ANTXRL: variants seen among roughly 807,000 people sequenced by gnomAD.
The protein encoded by ANTXRL is anthrax toxin receptor-like.
Under a neutral mutation model 75.4 loss-of-function variants are expected in ANTXRL, and 63 were observed. That is an observed-to-expected ratio of 0.84 (90% CI 0.68 to 1.03). The LOEUF (loss-of-function observed/expected upper bound fraction) is 1.03, where lower values mean the gene tolerates loss of function less well. Ranked by LOEUF, ANTXRL falls within the 50% of genes least tolerant of loss-of-function variation. The pLI, the probability that ANTXRL is intolerant of heterozygous loss-of-function variation, is 0.00. For missense variants in ANTXRL, 797 were observed against 789.4 expected (o/e 1.01, Z -0.12); for synonymous variants, 335 against 291.3 (o/e 1.15, Z -1.53).
chr10:46,330,096 C>T lies in ANTXRL; in HGVS notation c.*12C>T, dbSNP rs1370698937. 5 of 1,492,566 alleles carry T rather than the reference C, an allele frequency of 3.3e-6. No individual in the cohort carries two copies. The Admixed American group carries it at 8.7e-5, about 26-fold the overall frequency. The allele number at this position is 1,492,566 out of a possible 1,614,324, so 92.5% of individuals were successfully genotyped here. On this transcript the variant is annotated 3_prime_UTR_variant, in exon 17 of 17. Coordinates refer to ENST00000620264, the MANE Select transcript of ANTXRL (RefSeq NM_001278688.3). Reference sequence around the variant, plus strand: ...AGCCCAACTTCTAAGGCACCAAACACCCAAGATTAACAGGCTTTTGTTGCT... The same window carrying T: ...AGCCCAACTTCTAAGGCACCAAACATCCAAGATTAACAGGCTTTTGTTGCT...
chr10:46,304,062 A>G (rs1262127460), intron 10 of ANTXRL, among the ~76,000 whole-genome samples: 4 of 152,088 alleles, frequency 2.6e-5, no homozygotes, highest in Non-Finnish European at 5.9e-5. Context: ...ACTCATCAGC[A>G]TTGTGTGGAT....
chr10:46,324,195 T>A (rs782653147), intron 16 of ANTXRL, among the ~76,000 whole-genome samples: 19 of 152,006 alleles, frequency 1.2e-4, no homozygotes, highest in Non-Finnish European at 2.6e-4. Context: ...TGAGTAACAG[T>A]AGAATGTCCA....
At chr10:46,324,703 A>G (rs896886255) in intron 16 of ANTXRL, among the ~76,000 whole-genome samples, 12 of 152,262 alleles carry the variant, frequency 7.9e-5, no homozygotes, top group African/African-American at 2.9e-4. Flanking sequence ...GAAGAGACCC[A>G]TAAATATTCA....
rs573096928 is a variant in ANTXRL, at chr10:46,293,255, G to T, written c.321-574G>T. The stretch of plus-strand genomic sequence containing the variant: ...GAGTGTGTATGCATGTGTGTGGGGG[G>T]GTGTGTATACCTGTGCGTGTGTGAG... On this transcript the variant is annotated intron_variant, in intron 2 of 16. Transcript: ENST00000620264. Among the ~76,000 whole-genome samples, 856 of 140,560 alleles carry T rather than the reference G, an allele frequency of 6.1e-3. 7 individuals carry two copies. The highest frequency in any genetic ancestry group is 0.01 in the Admixed American group (142 of 13,986). The allele number at this position is 140,560 out of a possible 152,430, so 92.2% of individuals were successfully genotyped here.
chr10:46,308,969 C>A, intron 12 of ANTXRL, 144 bp from the exon 13 acceptor site: 1 of 1,172,296 alleles, frequency 8.5e-7, no homozygotes, highest in Non-Finnish European at 1.2e-6. Flanking sequence ...CTCTCTGGGG[C>A]CCAGCCCTGG....
At position 46,330,060 on chromosome 10, in the gene ANTXRL, C is replaced by A; in HGVS notation, c.1872C>A (p.Leu624=). ...ACACGGCAGAACCCCCTTTGTCACT[C>A]CCCCCCTCAGAGCCCAACTTCTAAG... ...LRHTAEPPLS[L]PPSEPNF is the part of the protein sequence containing the mutation. The change falls in exon 17 of 17, where the codon CTC becomes CTA. Residue 624 remains leucine (L), a synonymous_variant. Transcript: ENST00000620264. The A allele has an allele frequency of 1.3e-6, 2 of 1,503,780 alleles. No individual in the cohort carries two copies. The highest frequency in any genetic ancestry group is 2.8e-5 in the African/African-American group (2 of 72,392). 93.2% of individuals were successfully genotyped at this position (1,503,780 alleles called of 1,614,324 possible). A position where few individuals can be genotyped will look rare whatever the true frequency, so the allele number is the denominator to read the frequency against.
Position 46,324,949 on chromosome 10 carries a change from C to T in ANTXRL, c.1411-4650C>T, listed in dbSNP as rs574598406. Among the ~76,000 whole-genome samples, 8 of 152,176 alleles carry T rather than the reference C, an allele frequency of 5.3e-5. No individual in the cohort carries two copies. The South Asian group carries it at 1.5e-3, about 28-fold the overall frequency. ...TGCAAATATCCTCAAGTTGATTAGG[C>T]GGGTTCAGATATGGAAGCCTCTTGA... On this transcript the variant is annotated intron_variant, in intron 16 of 16. Coordinates refer to ENST00000620264, the MANE Select transcript of ANTXRL (RefSeq NM_001278688.3).
chr10:46,289,137 T>C (rs1836880119), intron 1 of ANTXRL, among the ~76,000 whole-genome samples: 1 of 152,140 alleles, frequency 6.6e-6, no homozygotes, highest in Non-Finnish European at 1.5e-5. Context: ...GGCAGGCTCT[T>C]TGGTCATTAG....
chr10:46,288,851 G>T (rs543052695), intron 1 of ANTXRL, among the ~76,000 whole-genome samples: 1 of 152,268 alleles, frequency 6.6e-6, no homozygotes, highest in African/African-American at 2.4e-5. Flanking sequence ...TGCAGAGGGA[G>T]TGCCTAGAGT....
At chr10:46,322,455 C>T (rs1418618027) in intron 16 of ANTXRL, among the ~76,000 whole-genome samples, 1 of 138,118 alleles carries the variant, frequency 7.2e-6, no homozygotes, top group East Asian at 2.1e-4. Context: ...GAGACTCCAT[C>T]TCAAAAAAAA....
chr10:46,293,248 GT>G (rs1297809681), intron 2 of ANTXRL: 1 of 137,716 alleles, frequency 7.3e-6, no homozygotes, highest in African/African-American at 3.0e-5. Flanking sequence ...ATGCATGTGT[GT>G]GGGGGGGTGT....
At chr10:46,309,603 C>T (rs1399424962) in intron 13 of ANTXRL, among the ~76,000 whole-genome samples, 14 of 152,228 alleles carry the variant, frequency 9.2e-5, no homozygotes, top group Admixed American at 8.5e-4. Flanking sequence ...CCCCATGAGG[C>T]CCTGCTGGCC....
Position 46,320,431 on chromosome 10 carries a change from G to A in ANTXRL, c.1410+7115G>A, listed in dbSNP as rs565909849. On this transcript the variant is annotated intron_variant, in intron 16 of 16. Transcript: ENST00000620264. ...TTTAGTTGTATTTGAGCAAGGGTTT[G>A]TTACAATTGTTCACCCATGGCCGGG... 6.6e-5 allele frequency among the ~76,000 whole-genome samples: 10 copies of A among 152,218 alleles called. No individual in the cohort carries two copies. The South Asian group carries it at 2.1e-3, about 32-fold the overall frequency.
At chr10:46,306,719 A>G (rs6602879) in intron 10 of ANTXRL, 84 bp from the exon 11 acceptor site, 577,182 of 1,201,396 alleles carry the variant, frequency 0.48, 131,867 homozygotes, top group African/African-American at 0.53. Context: ...CCACAGGGTC[A>G]GCCCTGCATG....
intron 16 of ANTXRL, among the ~76,000 whole-genome samples, chr10:46,327,194 TG>T (rs1185726657): frequency 6.6e-6 from 1 of 152,064 alleles, no homozygotes; most frequent in Non-Finnish European, 1.5e-5. Flanking sequence ...TTCTAGTAGC[TG>T]GGCTGTGATT....
intron 4 of ANTXRL, 36 bp downstream of exon 4, chr10:46,296,136 C>A: frequency 3.3e-6 from 5 of 1,534,506 alleles, no homozygotes; most frequent in Non-Finnish European, 4.4e-6. Flanking sequence ...CTAACCCTAA[C>A]CCTAACCCTA....
intron 16 of ANTXRL, among the ~76,000 whole-genome samples, chr10:46,326,709 T>A (rs1554966581): frequency 6.6e-6 from 1 of 151,964 alleles, no homozygotes; most frequent in African/African-American, 2.4e-5. Context: ...GTCCAGCACA[T>A]CCTGATGGAG....
At chr10:46,291,200 T>C (rs782096252) in intron 1 of ANTXRL, among the ~76,000 whole-genome samples, 2 of 152,188 alleles carry the variant, frequency 1.3e-5, no homozygotes, top group African/African-American at 4.8e-5. Flanking sequence ...TTTCCCACAC[T>C]GAGTGTTCTT....
Position 46,320,029 on chromosome 10 carries a change from G to A in ANTXRL, c.1410+6713G>A, listed in dbSNP as rs114122967. Among the ~76,000 whole-genome samples, 616 of 152,260 alleles carry A rather than the reference G, an allele frequency of 4.0e-3. 8 individuals carry two copies. The highest frequency in any genetic ancestry group is 0.014 in the African/African-American group (568 of 41,528). ...ATGTATATGTCATCACCTCTCTTTT[G>A]GAGTATGGCTTTTACTCATGGTTCA... On this transcript the variant is annotated intron_variant, in intron 16 of 16. Coordinates refer to ENST00000620264, the MANE Select transcript of ANTXRL (RefSeq NM_001278688.3).
Sources: gnomAD v4.1 joint callset for allele counts (sites outside exome capture counted in the v4.1 genomes callset) on GRCh38, gnomAD v4.1.1 for gene constraint, MANE v1.5 for transcripts, NCBI Gene and HGNC (gene_info 2026-07-23, HGNC 2026-07-21) for gene names.